CPSF3: variants seen among roughly 807,000 people sequenced by gnomAD.
CPSF3 encodes the protein cleavage and polyadenylation specificity factor subunit 3.
Under a neutral mutation model 84.1 loss-of-function variants are expected in CPSF3, and 57 were observed. That is an observed-to-expected ratio of 0.68 (90% confidence interval 0.55 to 0.85). The LOEUF is 0.85. Among genes scored for constraint, CPSF3 ranks in the 40% least tolerant of loss-of-function variants. CPSF3 has a pLI of 0.00. For missense variants in CPSF3, 522 were observed against 838.8 expected, an observed-to-expected ratio of 0.62 and a Z score of 4.66; for synonymous variants, 275 against 278.1, an observed-to-expected ratio of 0.99 and a Z score of 0.11.
chr2:9,470,360 A>G (rs578118387), intron 16 of CPSF3, among the ~76,000 whole-genome samples: 31 of 152,328 alleles, frequency 2.0e-4, no homozygotes, highest in Middle Eastern at 3.4e-3. Context: ...CGCTTAATAC[A>G]GTGTTGTCAG....
intron 13 of CPSF3, 36 bp from the exon 14 acceptor site, chr2:9,456,897 A>C: frequency 4.8e-6 from 6 of 1,243,302 alleles, no homozygotes; most frequent in Non-Finnish European, 6.9e-6. Flanking sequence ...ATTATCAGAA[A>C]AGTATATACA....
intron 7 of CPSF3, 146 bp downstream of exon 7, chr2:9,436,507 C>T: frequency 1.3e-6 from 1 of 797,402 alleles, no homozygotes; most frequent in Non-Finnish European, 1.8e-6. Flanking sequence ...GGCGCGGTGG[C>T]TCACGCCTGT....
rs202102505 is a variant in CPSF3 at position 9,436,390 on chromosome 2, T to C, written c.760+29T>C. On this transcript the variant is annotated intron_variant, in intron 7 of 17. Transcript: ENST00000238112. The stretch of plus-strand genomic sequence containing the variant: ...TGCCATTTCCTTTGTATTTAGGCGA[T>C]GATCAAAATCTTGTCATTTTATCAA... The C allele has an allele frequency of 1.9e-5, 30 of 1,579,680 alleles. No homozygotes were observed. The African/African-American group carries it at 3.3e-4, about 17-fold the overall frequency.
Position 9,433,972 on chromosome 2 carries a change from T to G in CPSF3, c.609+12T>G, listed in dbSNP as rs1558451044. 1.4e-6 allele frequency: 2 copies of G among 1,417,014 alleles called. No homozygotes were observed. Among genetic ancestry groups the G allele is most frequent in the Middle Eastern group, 1.8e-4 (1 of 5,664 alleles). 87.8% of individuals were successfully genotyped at this position (1,417,014 alleles called of 1,614,324 possible). On this transcript the variant is annotated intron_variant, in intron 6 of 17. Transcript: ENST00000238112. Reference sequence around the variant, plus strand: ...ATATTCTTATCATTGTAAGTATTAATATACTATATTGTAATCAATGTAATG... The same window carrying G: ...ATATTCTTATCATTGTAAGTATTAAGATACTATATTGTAATCAATGTAATG...
At chr2:9,458,604 G>A (rs1681615541) in intron 14 of CPSF3, among the ~76,000 whole-genome samples, 1 of 152,110 alleles carries the variant, frequency 6.6e-6, no homozygotes, top group African/African-American at 2.4e-5. Flanking sequence ...GCCAAGGTGG[G>A]CAGATCACTT....
intron 7 of CPSF3, among the ~76,000 whole-genome samples, chr2:9,438,193 A>G (rs1452938770): frequency 6.6e-6 from 1 of 152,220 alleles, no homozygotes; most frequent in African/African-American, 2.4e-5. Context: ...ATGAAAAGGA[A>G]ATCTGTAATA....
chr2:9,455,593 C>A (rs2124849271), intron 12 of CPSF3, 66 bp from the exon 13 acceptor site: 1 of 1,116,434 alleles, frequency 9.0e-7, no homozygotes, highest in Non-Finnish European at 1.3e-6. Flanking sequence ...TTTCTTTTTT[C>A]TTTGCTCCTG....
chr2:9,461,479 A>C (rs1363589295), intron 15 of CPSF3, among the ~76,000 whole-genome samples: 1 of 152,108 alleles, frequency 6.6e-6, no homozygotes, highest in African/African-American at 2.4e-5. Flanking sequence ...CCTGGCCAAC[A>C]TGGTGAAACC....
intron 15 of CPSF3, among the ~76,000 whole-genome samples, chr2:9,460,030 T>C (rs1681683783): frequency 6.6e-6 from 1 of 152,126 alleles, no homozygotes; most frequent in South Asian, 2.1e-4. Flanking sequence ...AACTTGATCA[T>C]TTCTATGTAA....
At chr2:9,463,464 C>G (rs1410874375) in intron 15 of CPSF3, among the ~76,000 whole-genome samples, 1 of 152,144 alleles carries the variant, frequency 6.6e-6, no homozygotes, top group Non-Finnish European at 1.5e-5. Flanking sequence ...GTTGGATTAG[C>G]TGTAAGTGGT....
chr2:9,472,554 GTGC>G (rs1682208416), intron 17 of CPSF3, among the ~76,000 whole-genome samples: 1 of 152,142 alleles, frequency 6.6e-6, no homozygotes, highest in South Asian at 2.1e-4. Flanking sequence ...AATTAGGACC[GTGC>G]TGCTGTCAGG....
In CPSF3 at chr2:9,466,348, G is replaced by A. The variant is rs1338645142; in HGVS notation, c.1787-1359G>A. Among the ~76,000 whole-genome samples the A allele has an allele frequency of 7.7e-4, 87 of 112,490 alleles. 1 individual carries two copies. The highest frequency in any genetic ancestry group is 2.8e-3 in the African/African-American group (82 of 29,630). The allele number at this position is 112,490 out of a possible 152,430, so 73.8% of individuals were successfully genotyped here. ...CACAGACGCACGCACACACGCGCGC[G>A]CGCGCACACACACACGCACACACCC... On this transcript the variant is annotated intron_variant, in intron 15 of 17. Transcript: ENST00000238112.
At chr2:9,467,865 G>C (rs1313609141) in intron 16 of CPSF3, 89 bp downstream of exon 16, 1 of 1,058,302 alleles carries the variant, frequency 9.4e-7, no homozygotes, top group Admixed American at 1.9e-5. Flanking sequence ...CAAGGACTGG[G>C]GCGTGGCTCT....
chr2:9,459,638 CTTTTTTTTTT>C lies in CPSF3; in HGVS notation c.1786+39_1786+48del, dbSNP rs543727439. ...GAAAAGGTAAGAGTTCATTTTTATC[CTTTTTTTTTT>C]TTTTTTTTTTTTTTTTTTGGAGACG... On this transcript the variant is annotated intron_variant, in intron 15 of 17. Coordinates refer to ENST00000238112, the MANE Select transcript of CPSF3 (RefSeq NM_016207.4). 1,045 of 310,476 alleles carry C rather than the reference CTTTTTTTTTT, an allele frequency of 3.4e-3. 10 individuals are homozygous for C. In the African/African-American group the frequency reaches 0.042, roughly 12 times the overall value. 19.2% of individuals were successfully genotyped at this position (310,476 alleles called of 1,614,324 possible).
At chr2:9,466,056 C>T (rs1292402153) in intron 15 of CPSF3, among the ~76,000 whole-genome samples, 1 of 152,088 alleles carries the variant, frequency 6.6e-6, no homozygotes, top group African/African-American at 2.4e-5. Context: ...TTACATCACA[C>T]CAGGCCAGAC....
chr2:9,450,308 C>T (rs563109064), intron 11 of CPSF3, among the ~76,000 whole-genome samples: 13 of 151,942 alleles, frequency 8.6e-5, no homozygotes, highest in Non-Finnish European at 1.6e-4. Context: ...CCCACCACCA[C>T]GCCCGGCTAA....
In CPSF3 at chr2:9,433,892, T is replaced by G; in HGVS notation, c.541T>G (p.Ser181Ala). 1 of 1,610,928 alleles carries G rather than the reference T, an allele frequency of 6.2e-7. No homozygotes were observed. Among genetic ancestry groups the G allele is most frequent in the Non-Finnish European group, 8.5e-7 (1 of 1,177,832 alleles). Residue 181 changes from serine (S) to alanine (A), a missense_variant, in exon 6 of 18, where the codon TCA (serine) becomes GCA (alanine). Ser to Ala is a moderately conservative substitution (Grantham distance 99). This residue lies in a region of CPSF3 where 329 missense variants were observed against 607.2 expected (regional missense o/e 0.54). Coordinates refer to ENST00000238112, the MANE Select transcript of CPSF3 (RefSeq NM_016207.4). ...ACAGCTTTTGTACACTGGTGATTTC[T>G]CAAGACAAGAAGATAGGCACTTAAT... is the stretch of plus-strand genomic sequence containing the variant. ...GVKLLYTGDF[S>A]RQEDRHLMAA...
chr2:9,425,985 G>C (rs1300191614), intron 1 of CPSF3, among the ~76,000 whole-genome samples: 1 of 152,172 alleles, frequency 6.6e-6, no homozygotes, highest in Non-Finnish European at 1.5e-5. Flanking sequence ...GACATTTCAT[G>C]TAAGTGTGAT....
At chr2:9,472,867 A>G in intron 17 of CPSF3, 49 bp from the exon 18 acceptor site, 1 of 1,196,680 alleles carries the variant, frequency 8.4e-7, no homozygotes, top group Non-Finnish European at 1.2e-6. Flanking sequence ...TCTTCTATAT[A>G]ATCATTATAG....
Sources: allele counts gnomAD v4.1 joint callset (sites outside exome capture counted in the v4.1 genomes callset), GRCh38; gene constraint gnomAD v4.1.1; regional missense constraint gnomAD v4.1.1; transcripts MANE v1.5; gene names NCBI Gene and HGNC (gene_info 2026-07-23, HGNC 2026-07-21).